The following ZNF469 variants were observed in gnomAD, a reference collection of about 807,000 sequenced individuals.
The protein encoded by ZNF469 is zinc finger protein 469.
Under a neutral mutation model 1.0 loss-of-function variants are expected in ZNF469, and 1 was observed. The ratio of observed to expected loss-of-function variants is 1.00; its 90% confidence interval spans 0.35 to 4.73. The LOEUF is 4.73. Ranked by LOEUF, ZNF469 falls within the 30% of genes most tolerant of loss-of-function variation. The pLI is 0.16. For synonymous variants in ZNF469, 2,703 were observed against 2,363.4 expected, an observed-to-expected ratio of 1.14 and a Z score of -4.17; for missense variants, 6,100 against 5,356.3, an observed-to-expected ratio of 1.14 and a Z score of -4.33.
the ZNF469 span, among the ~76,000 whole-genome samples, chr16:88,107,547 G>C: frequency 9.2e-5 from 14 of 152,224 alleles, no homozygotes; most frequent in Admixed American, 1.3e-4. Flanking sequence ...TGAGATCTGC[G>C]TGGAGACACA....
chr16:88,117,907 G>A, the ZNF469 span, among the ~76,000 whole-genome samples: 7 of 152,376 alleles, frequency 4.6e-5, no homozygotes, highest in African/African-American at 1.7e-4. Flanking sequence ...AGCAGAGCAG[G>A]AGGAGGAGCA....
Position 88,438,218 on chromosome 16 carries a change from C to A in ZNF469, c.10748C>A (p.Ser3583Tyr), listed in dbSNP as rs767728536. 1.9e-6 allele frequency: 3 copies of A among 1,546,812 alleles called. No individual in the cohort carries two copies. The South Asian group carries it at 3.6e-5, about 18-fold the overall frequency. ...CTGGAGAGGCCAGAGAACGAGGCTT[C>A]CCCAGGCAGCCCCGGGCCTCTTCTC... Reference protein sequence around the residue: ...GALERPENEASPGSPGPLLQQ... With the variant: ...GALERPENEAYPGSPGPLLQQ... The change falls in exon 3 of 3, where the codon TCC (serine) becomes TAC (tyrosine). Residue 3583 changes from serine (S) to tyrosine (Y), a missense_variant. Physicochemically the swap from Ser to Tyr is moderately radical, Grantham distance 144. Transcript: ENST00000565624.
the ZNF469 span, among the ~76,000 whole-genome samples, chr16:88,320,771 T>C: frequency 6.6e-6 from 1 of 152,206 alleles, no homozygotes; most frequent in Non-Finnish European, 1.5e-5. Flanking sequence ...CTTATGTCCA[T>C]GTAGTCTCAT....
chr16:88,316,918 G>A, the ZNF469 span, among the ~76,000 whole-genome samples: 1 of 152,106 alleles, frequency 6.6e-6, no homozygotes, highest in Non-Finnish European at 1.5e-5. Context: ...CCTTGAGAAG[G>A]ATGCACCCCC....
At position 88,435,488 on chromosome 16, in the gene ZNF469, C is replaced by A; in HGVS notation, c.8018C>A (p.Ala2673Asp). ...RPSPAMASYA[A>D]SPSHCLSVEG... ...TCCCCTGCAATGGCCAGTTACGCAG[C>A]CTCTCCGAGCCACTGCCTCTCTGTG... The change falls in exon 3 of 3, where the codon GCC (alanine) becomes GAC (aspartate). Residue 2673 changes from alanine (A) to aspartate (D), a missense_variant. Physicochemically the swap from Ala to Asp is moderately radical, Grantham distance 126 (BLOSUM62 -2). Transcript: ENST00000565624. 1 of 1,549,068 alleles carries A rather than the reference C, an allele frequency of 6.5e-7. No homozygotes were observed. Among genetic ancestry groups the A allele is most frequent in the Non-Finnish European group, 8.7e-7 (1 of 1,146,978 alleles).
At chr16:88,310,439 C>A in the ZNF469 span, among the ~76,000 whole-genome samples, 2 of 152,070 alleles carry the variant, frequency 1.3e-5, no homozygotes, top group Non-Finnish European at 2.9e-5. Flanking sequence ...CACAGCCCTG[C>A]GTGCTGCCCC....
At chr16:88,116,613 G>A in the ZNF469 span, among the ~76,000 whole-genome samples, 4 of 152,216 alleles carry the variant, frequency 2.6e-5, no homozygotes, top group East Asian at 1.9e-4. Flanking sequence ...GTGGACACAC[G>A]AATGGCCACA....
the ZNF469 span, among the ~76,000 whole-genome samples, chr16:88,153,204 G>C: frequency 0.44 from 66,256 of 152,156 alleles, 17,477 homozygotes; most frequent in Non-Finnish European, 0.59. Context: ...GAACCCAGGT[G>C]GGGGGCTGAA....
the ZNF469 span, among the ~76,000 whole-genome samples, chr16:88,114,845 G>A: frequency 0.26 from 39,101 of 152,114 alleles, 5,524 homozygotes; most frequent in Non-Finnish European, 0.31. Flanking sequence ...TGTGGCTGCC[G>A]CACTGAGAAT....
chr16:88,325,271 G>A, the ZNF469 span, among the ~76,000 whole-genome samples: 1 of 135,538 alleles, frequency 7.4e-6, no homozygotes, highest in African/African-American at 2.7e-5. Flanking sequence ...GTCCCTACAG[G>A]CTCCGTAAGC....
At chr16:88,193,108 GTGGTGGTGA>G in the ZNF469 span, among the ~76,000 whole-genome samples, 1 of 14,860 alleles carries the variant, frequency 6.7e-5, no homozygotes, top group Non-Finnish European at 1.4e-4. Flanking sequence ...GTTGATGGTG[GTGGTGGTGA>G]TGGTGGTGGT....
the ZNF469 span, among the ~76,000 whole-genome samples, chr16:88,354,911 T>G: frequency 6.6e-6 from 1 of 152,026 alleles, no homozygotes; most frequent in East Asian, 1.9e-4. Flanking sequence ...AGGAGTCGAG[T>G]CGAGTCCAGG....
intron 1 of ZNF469, among the ~76,000 whole-genome samples, chr16:88,398,285 A>C (rs1456275360): frequency 1.3e-5 from 2 of 152,190 alleles, no homozygotes; most frequent in African/African-American, 4.8e-5. Flanking sequence ...GGAAACGTGA[A>C]CCACAGATGA....
At chr16:88,256,877 TTTC>T in the ZNF469 span, among the ~76,000 whole-genome samples, 1 of 147,514 alleles carries the variant, frequency 6.8e-6, no homozygotes, top group East Asian at 1.9e-4. Context: ...CTTTCTTTCT[TTTC>T]TTTTCTTTTC....
chr16:88,287,234 G>A, the ZNF469 span, among the ~76,000 whole-genome samples: 1 of 152,220 alleles, frequency 6.6e-6, no homozygotes, highest in East Asian at 1.9e-4. Flanking sequence ...TTGTGTGAAT[G>A]TGCCACAATT....
chr16:88,279,018 T>C, the ZNF469 span, among the ~76,000 whole-genome samples: 2 of 151,878 alleles, frequency 1.3e-5, no homozygotes, highest in Admixed American at 1.3e-4. Context: ...TAGATATCAT[T>C]AGTGCTGTAC....
chr16:88,239,911 T>G, the ZNF469 span, among the ~76,000 whole-genome samples: 1 of 145,852 alleles, frequency 6.9e-6, no homozygotes, highest in African/African-American at 2.5e-5. Context: ...GCCCAGAAAT[T>G]TACATTATTT....
At chr16:88,193,099 T>TGATGGTGGTGG in the ZNF469 span, among the ~76,000 whole-genome samples, 1 of 13,794 alleles carries the variant, frequency 7.2e-5, no homozygotes, top group Admixed American at 6.9e-4. Context: ...GGTGATGGTG[T>TGATGGTGGTGG]TGATGGTGGT....
chr16:88,428,598 G>C lies in ZNF469; in HGVS notation c.1128G>C (p.Leu376=). The C allele has an allele frequency of 2.6e-6, 4 of 1,550,220 alleles. No homozygotes were observed. The highest frequency in any genetic ancestry group is 3.5e-6 in the Non-Finnish European group (4 of 1,146,884). ...TCTCTGACAGTTTACACAAGAGCCT[G>C]ACCAAAATCCTTCCCGAAAGACCAC... The part of the protein sequence containing the change: ...RPFSDSLHKS[L]TKILPERPPS... The change falls in exon 3 of 3, where the codon CTG becomes CTC. Residue 376 remains leucine (L), a synonymous_variant. Transcript: ENST00000565624.
Sources: allele counts gnomAD v4.1 joint callset (sites outside exome capture counted in the v4.1 genomes callset), GRCh38; gene constraint gnomAD v4.1.1; transcripts MANE v1.5; gene names NCBI Gene and HGNC (gene_info 2026-07-23, HGNC 2026-07-21).